Variants in DPP6 observed in about 807,000 individuals in gnomAD.
DPP6 encodes the protein dipeptidyl peptidase like 6.
In DPP6, 69 loss-of-function variants were observed where a neutral mutation model predicts 122.6. That is an observed-to-expected ratio of 0.56 (90% CI 0.46 to 0.69). The LOEUF (loss-of-function observed/expected upper bound fraction) is 0.69, where lower values mean the gene tolerates loss of function less well. DPP6 is among the 30% of genes least tolerant of loss of function. The pLI is 0.00. For synonymous variants in DPP6, 418 were observed against 433.1 expected, an observed-to-expected ratio of 0.97 and a Z score of 0.43; for missense variants, 928 against 1,116.9, an observed-to-expected ratio of 0.83 and a Z score of 2.41.
chr7:153,863,864 T>A, the DPP6 span, among the ~76,000 whole-genome samples: 1 of 152,214 alleles, frequency 6.6e-6, no homozygotes, highest in African/African-American at 2.4e-5. Context: ...TCATTTAGGA[T>A]GAAATGTTTT....
At chr7:154,664,625 G>A (rs1209979025) in intron 6 of DPP6, among the ~76,000 whole-genome samples, 2 of 150,126 alleles carry the variant, frequency 1.3e-5, no homozygotes, top group Admixed American at 6.6e-5. Flanking sequence ...GGCACATAAT[G>A]AGGGCCTGTG....
the DPP6 span, among the ~76,000 whole-genome samples, chr7:153,857,597 G>GT: frequency 6.6e-6 from 1 of 152,082 alleles, no homozygotes; most frequent in African/African-American, 2.4e-5. Context: ...TTGGGATGAT[G>GT]TTTTTTGTCA....
intron 1 of DPP6, among the ~76,000 whole-genome samples, chr7:154,289,212 T>C (rs1387085914): frequency 6.6e-6 from 1 of 152,148 alleles, no homozygotes; most frequent in East Asian, 1.9e-4. Context: ...TAAAAAGCAG[T>C]CATCAACTAT....
intron 1 of DPP6, among the ~76,000 whole-genome samples, chr7:154,203,865 TATAAG>T (rs1799299682): frequency 6.6e-6 from 1 of 152,198 alleles, no homozygotes. Flanking sequence ...CTCAGTTTCT[TATAAG>T]AAGATAGAGG....
At chr7:154,081,456 C>T (rs1364585388) in intron 1 of DPP6, among the ~76,000 whole-genome samples, 1 of 126,678 alleles carries the variant, frequency 7.9e-6, no homozygotes, top group African/African-American at 2.8e-5. Flanking sequence ...CAGACATACA[C>T]TACCAGAATG....
intron 16 of DPP6, among the ~76,000 whole-genome samples, chr7:154,810,819 C>T (rs762275563): frequency 1.3e-5 from 2 of 152,142 alleles, no homozygotes; most frequent in Non-Finnish European, 2.9e-5. Context: ...CATTGGGCAC[C>T]TCCACAATCT....
chr7:153,810,652 C>G, the DPP6 span, among the ~76,000 whole-genome samples: 1 of 65,826 alleles, frequency 1.5e-5, no homozygotes, highest in Non-Finnish European at 3.7e-5. Flanking sequence ...ATCCAAATCG[C>G]TCCCTCTCCT....
chr7:153,864,965 CA>C, the DPP6 span, among the ~76,000 whole-genome samples: 2 of 152,096 alleles, frequency 1.3e-5, no homozygotes, highest in Non-Finnish European at 2.9e-5. Flanking sequence ...GCCCTGTCCC[CA>C]AACTGTCTGT....
Position 154,618,650 on chromosome 7 carries a change from C to G in DPP6, c.628-19171C>G, listed in dbSNP as rs1018392386. Among the ~76,000 whole-genome samples the G allele has an allele frequency of 1.3e-5, 2 of 152,206 alleles. No homozygotes were observed. The highest frequency in any genetic ancestry group is 6.5e-5 in the Admixed American group (1 of 15,282). On this transcript the variant is annotated intron_variant, in intron 5 of 25. Coordinates refer to ENST00000377770, the MANE Select transcript of DPP6 (RefSeq NM_130797.4). This position sits in a 1 kb window ranked among gnomAD's most constrained non-coding sequence, Gnocchi z 4.1. ...AGAAGCCGGGGCCACAGCCCAGCTT[C>G]CACCCTCCTGATGGGGACCATATCC...
chr7:154,835,705 G>C (rs965299343), intron 16 of DPP6, among the ~76,000 whole-genome samples: 1 of 152,226 alleles, frequency 6.6e-6, no homozygotes, highest in Non-Finnish European at 1.5e-5. Flanking sequence ...GGGTGATTCA[G>C]ATGCAGTTCA....
chr7:154,553,167 A>T (rs1220418164), intron 4 of DPP6, among the ~76,000 whole-genome samples: 1 of 152,240 alleles, frequency 6.6e-6, no homozygotes, highest in Non-Finnish European at 1.5e-5. Context: ...GTCCAGGTGA[A>T]TGTGATGGAG....
intron 8 of DPP6, among the ~76,000 whole-genome samples, chr7:154,734,337 G>C (rs976683912): frequency 4.6e-5 from 7 of 152,212 alleles, no homozygotes; most frequent in Non-Finnish European, 8.8e-5. Flanking sequence ...GGTGCTTACA[G>C]AAGCCCCCTG....
intron 1 of DPP6, among the ~76,000 whole-genome samples, chr7:154,150,342 TG>T (rs1023566564): frequency 4.6e-5 from 7 of 152,112 alleles, no homozygotes; most frequent in African/African-American, 1.7e-4. Flanking sequence ...CAGCCAAGGA[TG>T]GGGGAAACCA....
chr7:154,801,611 G>A (rs1318743237), intron 13 of DPP6, 149 bp downstream of exon 13: 3 of 1,165,970 alleles, frequency 2.6e-6, no homozygotes, highest in Non-Finnish European at 3.5e-6. Flanking sequence ...GCATGGCGCT[G>A]GTGAGTGCAG....
intron 5 of DPP6, among the ~76,000 whole-genome samples, chr7:154,597,185 A>AGG (rs1381228489): frequency 6.7e-6 from 1 of 148,666 alleles, no homozygotes; most frequent in Non-Finnish European, 1.5e-5. Context: ...AGAGAGAGAG[A>AGG]GGGTGGGGAG....
chr7:154,349,706 C>T (rs1810691940), intron 1 of DPP6, among the ~76,000 whole-genome samples: 1 of 151,914 alleles, frequency 6.6e-6, no homozygotes, highest in Admixed American at 6.6e-5. Context: ...GACTTAACGC[C>T]GTGTCAGCTA....
chr7:153,985,086 C>G, intron 1 of DPP6, among the ~76,000 whole-genome samples: 1 of 152,224 alleles, frequency 6.6e-6, no homozygotes, highest in East Asian at 1.9e-4. Flanking sequence ...GGTCCCTGCT[C>G]GCAGTGCTGA....
intron 1 of DPP6, among the ~76,000 whole-genome samples, chr7:154,324,129 A>G (rs190975066): frequency 4.6e-5 from 7 of 152,232 alleles, no homozygotes; most frequent in African/African-American, 1.4e-4. Flanking sequence ...ATATATATCT[A>G]ATTTTCTGTT....
In DPP6 at chr7:154,018,119, C is replaced by T. The variant is rs1275739842; in HGVS notation, c.51+130385C>T. ...TAGCCACAGCAGGGTGATTTGCAAC[C>T]CCCACTCCTATATCCATCAAGACAA... On this transcript the variant is annotated intron_variant, in intron 1 of 25. Transcript: ENST00000404039. 4.6e-5 allele frequency among the ~76,000 whole-genome samples: 7 copies of T among 152,020 alleles called. No homozygotes were observed. The East Asian group carries it at 7.8e-4, about 17-fold the overall frequency.
Sources: gnomAD v4.1 joint callset for allele counts (sites outside exome capture counted in the v4.1 genomes callset) on GRCh38, gnomAD v4.1.1 for gene constraint, Gnocchi (gnomAD v3.1) non-coding constraint, MANE v1.5 for transcripts, NCBI Gene and HGNC (gene_info 2026-07-23, HGNC 2026-07-21) for gene names.